The following SVEP1 variants were observed in gnomAD, a reference collection of about 807,000 sequenced individuals.
The protein encoded by SVEP1 is sushi, von Willebrand factor type A, EGF and pentraxin domain-containing protein 1.
SVEP1 carries 164 observed loss-of-function variants against 367.3 expected under a neutral mutation model. The observed-to-expected ratio is 0.45, with a 90% CI of 0.39 to 0.51. The LOEUF is 0.51. Ranked by LOEUF, SVEP1 falls within the 20% of genes least tolerant of loss-of-function variation. The pLI is 0.00. For missense variants in SVEP1, 4,117 were observed against 4,425.3 expected (o/e 0.93, Z 1.98); for synonymous variants, 1,666 against 1,611.6 (o/e 1.03, Z -0.81).
intron 27 of SVEP1, among the ~76,000 whole-genome samples, chr9:110,438,288 G>C (rs1197843907): frequency 6.8e-6 from 1 of 147,958 alleles, no homozygotes; most frequent in Non-Finnish European, 1.5e-5. Flanking sequence ...CCAGATTCAG[G>C]TGATTCTCAC....
intron 14 of SVEP1, among the ~76,000 whole-genome samples, chr9:110,474,045 G>C (rs1478853256): frequency 1.3e-5 from 2 of 152,152 alleles, no homozygotes; most frequent in Admixed American, 6.5e-5. Context: ...TTTTTGCCCA[G>C]GCTAGAGTAC....
intron 28 of SVEP1, 80 bp downstream of exon 28, chr9:110,436,300 T>C: frequency 6.5e-7 from 1 of 1,531,858 alleles, no homozygotes. Flanking sequence ...ATAAGTTATG[T>C]CATCATTAGG....
intron 3 of SVEP1, among the ~76,000 whole-genome samples, chr9:110,544,999 CAT>C (rs1317279476): frequency 2.0e-5 from 3 of 152,134 alleles, no homozygotes; most frequent in Non-Finnish European, 4.4e-5. Context: ...AAAATTTCCA[CAT>C]ATGAGTGAGA....
At chr9:110,391,133 A>AATTTCATAAT (rs1454807416) in intron 40 of SVEP1, among the ~76,000 whole-genome samples, 19 of 152,188 alleles carry the variant, frequency 1.2e-4, no homozygotes, top group Non-Finnish European at 4.4e-5. Context: ...TTGTTGCATA[A>AATTTCATAAT]ATTTCATAAT....
At chr9:110,427,820 C>A in intron 35 of SVEP1, 62 bp from the exon 36 acceptor site, 1 of 1,524,864 alleles carries the variant, frequency 6.6e-7, no homozygotes, top group South Asian at 1.3e-5. Flanking sequence ...GGAGATAAAA[C>A]AGGAAGAACT....
chr9:110,450,683 C>T (rs191239678), intron 23 of SVEP1, among the ~76,000 whole-genome samples: 21 of 151,840 alleles, frequency 1.4e-4, no homozygotes, highest in Admixed American at 3.3e-4. Context: ...CCATGTTGGC[C>T]GAGGTGGTCT....
intron 5 of SVEP1, among the ~76,000 whole-genome samples, chr9:110,511,669 C>T (rs1829718037): frequency 6.6e-6 from 1 of 151,766 alleles, no homozygotes. Flanking sequence ...ATCTGCTGAT[C>T]GTTTTCAGTT....
intron 29 of SVEP1, 92 bp from the exon 30 acceptor site, chr9:110,434,598 T>C (rs1346439274): frequency 8.5e-7 from 1 of 1,179,420 alleles, no homozygotes; most frequent in Non-Finnish European, 1.1e-6. Flanking sequence ...TGTATCAGCA[T>C]TTGAGAGCCA....
intron 3 of SVEP1, among the ~76,000 whole-genome samples, chr9:110,528,586 T>C (rs1829975729): frequency 6.6e-6 from 1 of 152,086 alleles, no homozygotes; most frequent in Non-Finnish European, 1.5e-5. Context: ...CATATGTTTG[T>C]TGGCCATTTA....
intron 37 of SVEP1, 108 bp from the exon 38 acceptor site, chr9:110,409,059 C>T: frequency 8.2e-7 from 1 of 1,225,126 alleles, no homozygotes; most frequent in South Asian, 1.8e-5. Context: ...TAAAATGAAT[C>T]AATTAGGAAG....
At position 110,534,745 on chromosome 9, in the gene SVEP1, G is replaced by A. The variant is rs574322626; in HGVS notation, c.964+11370C>T. Among the ~76,000 whole-genome samples, 3 of 152,172 alleles carry A rather than the reference G, an allele frequency of 2.0e-5. No individual in the cohort carries two copies. The South Asian group carries it at 6.2e-4, about 32-fold the overall frequency. On this transcript the variant is annotated intron_variant, in intron 3 of 47. Transcript: ENST00000374469. ...GACTAGTATGAGGTAGTATCTCACT[G>A]TGGTTTGATTTGCATTTCTCTAATG... is the stretch of plus-strand genomic sequence containing the variant.
chr9:110,482,808 G>A (rs1450286133), intron 10 of SVEP1, among the ~76,000 whole-genome samples: 1 of 152,192 alleles, frequency 6.6e-6, no homozygotes, highest in African/African-American at 2.4e-5. Flanking sequence ...GATTACAGGT[G>A]TGAGTCACCG....
At chr9:110,442,113 C>A (rs1025357385) in intron 27 of SVEP1, among the ~76,000 whole-genome samples, 1 of 152,220 alleles carries the variant, frequency 6.6e-6, no homozygotes, top group Non-Finnish European at 1.5e-5. Flanking sequence ...TATCCACAAG[C>A]CTCGATGGAC....
rs1412157398 is a variant in SVEP1, at chr9:110,407,184, C to T, written c.8416G>A (p.Val2806Met). The change falls in exon 38 of 48, where the codon GTG becomes ATG. Residue 2806 changes from valine (V) to methionine (M), a missense_variant. Physicochemically the swap from Val to Met is conservative, Grantham distance 21. This residue lies in a region of SVEP1 where 1,765 missense variants were observed against 1,781.1 expected (regional missense o/e 0.99). Transcript: ENST00000374469. The part of the protein sequence containing the change: ...TLYYECDPGY[V>M]LNGTERRTCQ... ...GTTCTCCTCTCAGTGCCATTCAGCA[C>T]ATATCCGGGGTCACACTCATAGTAC... is the stretch of plus-strand genomic sequence containing the variant. 6 of 1,613,886 alleles carry T rather than the reference C, an allele frequency of 3.7e-6. 1 individual carries two copies. The South Asian group carries it at 4.4e-5, about 12-fold the overall frequency.
At chr9:110,528,156 G>GTGTGTGTATATATATATATATATA in intron 3 of SVEP1, among the ~76,000 whole-genome samples, 4 of 33,950 alleles carry the variant, frequency 1.2e-4, no homozygotes, top group Admixed American at 4.5e-4. Context: ...GTGTGTGTGT[G>GTGTGTGTATATATATATATATATA]TATATATATA....
At position 110,579,550 on chromosome 9, in the gene SVEP1, G is replaced by A; in HGVS notation, c.-7C>T. ...AGGCCAGGCGAGGCCACATCGCGCT[G>A]GAGACAGAGCGGCTGCCCCGGAGCG... is the stretch of plus-strand genomic sequence containing the variant. On this transcript the variant is annotated 5_prime_UTR_variant, in exon 1 of 48. Transcript: ENST00000374469. This position sits in a 1 kb window ranked among gnomAD's most constrained non-coding sequence, Gnocchi z 5.3. 1 of 1,586,510 alleles carries A rather than the reference G, an allele frequency of 6.3e-7. No homozygotes were observed. The highest frequency in any genetic ancestry group is 8.6e-7 in the Non-Finnish European group (1 of 1,169,268).
At chr9:110,374,599 A>C (rs1211757140) in intron 46 of SVEP1, among the ~76,000 whole-genome samples, 2 of 152,182 alleles carry the variant, frequency 1.3e-5, no homozygotes, top group Admixed American at 6.6e-5. Context: ...TCAGTGAGTC[A>C]AGATTGCGCC....
chr9:110,470,493 C>T (rs534134376), intron 16 of SVEP1, among the ~76,000 whole-genome samples: 39 of 151,992 alleles, frequency 2.6e-4, no homozygotes, highest in African/African-American at 8.4e-4. Flanking sequence ...AGTGCAGTGG[C>T]GCAATCATAG....
intron 18 of SVEP1, 24 bp from the exon 19 acceptor site, chr9:110,459,137 A>G (rs778752275): frequency 6.2e-7 from 1 of 1,609,256 alleles, no homozygotes; most frequent in Non-Finnish European, 8.5e-7. Context: ...AACAAATCAT[A>G]TGTGCATATA....
Sources: gnomAD v4.1 joint callset for allele counts (sites outside exome capture counted in the v4.1 genomes callset) on GRCh38, gnomAD v4.1.1 for gene constraint, gnomAD v4.1.1 regional missense constraint, Gnocchi (gnomAD v3.1) non-coding constraint, MANE v1.5 for transcripts, NCBI Gene and HGNC (gene_info 2026-07-23, HGNC 2026-07-21) for gene names.